FBXO22: variants seen among roughly 807,000 people sequenced by gnomAD.
The protein encoded by FBXO22 is F-box only protein 22.
Under a neutral mutation model 37.2 loss-of-function variants are expected in FBXO22, and 13 were observed. That is an observed-to-expected ratio of 0.35 (90% CI 0.23 to 0.56). The LOEUF (loss-of-function observed/expected upper bound fraction) is 0.56, where lower values mean the gene tolerates loss of function less well. Among genes scored for constraint, FBXO22 ranks in the 20% least tolerant of loss-of-function variants. The pLI is 0.87. For missense variants in FBXO22, 446 were observed against 509.9 expected (o/e 0.87, Z 1.21); for synonymous variants, 189 against 189.1 (o/e 1.00, Z 0.00).
chr15:75,932,825 C>G lies in FBXO22; in HGVS notation c.935C>G (p.Ala312Gly). ...AEAAMQRLKA[A>G]NIPEHNTIGF... ...GCTGCGATGCAGCGCCTCAAAGCGG[C>G]CAACATTCCAGAGCATAACACCATT... Residue 312 changes from alanine (A) to glycine (G), a missense_variant, in exon 7 of 7, where the codon GCC (alanine) becomes GGC (glycine). Transcript: ENST00000308275. 1 of 1,614,230 alleles carries G rather than the reference C, an allele frequency of 6.2e-7. No individual in the cohort carries two copies.
At chr15:75,930,788 T>G in intron 6 of FBXO22, 1 of 985,512 alleles carries the variant, frequency 1.0e-6, no homozygotes, top group Non-Finnish European at 1.2e-6. Flanking sequence ...CCTCAATGCT[T>G]GTAAACACTA....
At position 75,921,900 on chromosome 15, in the gene FBXO22, T is replaced by A. The variant is rs979575919; in HGVS notation, c.628+4506T>A. Among the ~76,000 whole-genome samples, 3 of 152,144 alleles carry A rather than the reference T, an allele frequency of 2.0e-5. No individual in the cohort carries two copies. The South Asian group carries it at 6.2e-4, about 32-fold the overall frequency. Reference sequence around the variant, plus strand: ...TCCCACTGCAAGGTCTTCAGGGCAGTAATACATGTGGAGCTGTCATTTCCT... The same window carrying A: ...TCCCACTGCAAGGTCTTCAGGGCAGAAATACATGTGGAGCTGTCATTTCCT... On this transcript the variant is annotated intron_variant, in intron 5 of 6. Coordinates refer to ENST00000308275, the MANE Select transcript of FBXO22 (RefSeq NM_147188.3).
At chr15:75,921,611 A>G (rs1900324794) in intron 5 of FBXO22, among the ~76,000 whole-genome samples, 1 of 149,824 alleles carries the variant, frequency 6.7e-6, no homozygotes, top group South Asian at 2.2e-4. Context: ...TAGTAAGCCA[A>G]GATTACACCA....
At chr15:75,912,567 ATGGTATTCTC>A (rs1228237318) in intron 2 of FBXO22, among the ~76,000 whole-genome samples, 1 of 152,112 alleles carries the variant, frequency 6.6e-6, no homozygotes, top group Non-Finnish European at 1.5e-5. Context: ...AGAGGTGTTT[ATGGTATTCTC>A]TGATGGTAGT....
At chr15:75,921,535 C>T (rs910805371) in intron 5 of FBXO22, among the ~76,000 whole-genome samples, 2 of 151,954 alleles carry the variant, frequency 1.3e-5, no homozygotes, top group Admixed American at 6.6e-5. Context: ...TAGTGGTGTG[C>T]GCCTGTAGTC....
chr15:75,930,192 T>G (rs2029964768), intron 6 of FBXO22, 143 bp downstream of exon 6: 2 of 1,484,482 alleles, frequency 1.3e-6, no homozygotes, highest in Admixed American at 4.6e-5. Context: ...AGACATTGGC[T>G]AAGGGGCTTA....
chr15:75,920,754 C>T (rs750759263), intron 5 of FBXO22, among the ~76,000 whole-genome samples: 4 of 152,142 alleles, frequency 2.6e-5, no homozygotes, highest in East Asian at 3.9e-4. Flanking sequence ...GCCCAAGAGG[C>T]GGAGGTTGCC....
At chr15:75,918,359 A>AG (rs1900237173) in intron 5 of FBXO22, among the ~76,000 whole-genome samples, 2 of 150,632 alleles carry the variant, frequency 1.3e-5, no homozygotes, top group South Asian at 4.2e-4. Flanking sequence ...GGTGGATGGG[A>AG]GGGGAAGCAC....
chr15:75,904,644 G>A lies in FBXO22; in HGVS notation c.279+15G>A. 3.8e-6 allele frequency: 6 copies of A among 1,595,746 alleles called. No homozygotes were observed. Among genetic ancestry groups the A allele is most frequent in the Non-Finnish European group, 5.1e-6 (6 of 1,168,978 alleles). ...AGGAGCTTGAGGCAAGTAGCAAGGG[G>A]TGTCATGCACAGTCATTTGCAGGTT... On this transcript the variant is annotated intron_variant, in intron 2 of 6. Transcript: ENST00000308275.
intron 5 of FBXO22, among the ~76,000 whole-genome samples, chr15:75,923,654 A>G (rs1900377492): frequency 6.6e-6 from 1 of 152,222 alleles, no homozygotes; most frequent in South Asian, 2.1e-4. Flanking sequence ...TTTGGAGTAC[A>G]AGAGTGGATG....
rs1399242389 is a variant in FBXO22, at chr15:75,905,654, C to T, written c.279+1025C>T. ...GATCTGTTCCCAATTGCAATTTGCTCTGAGTAAGTCCTGTTTCTTTAATCT... is the reference window on the plus strand; with the variant it reads ...GATCTGTTCCCAATTGCAATTTGCTTTGAGTAAGTCCTGTTTCTTTAATCT... On this transcript the variant is annotated intron_variant, in intron 2 of 6. Transcript: ENST00000308275. The T allele has an allele frequency of 3.9e-5, 6 of 152,230 alleles. No homozygotes were observed. The East Asian group carries it at 1.2e-3, about 29-fold the overall frequency. The allele number at this position is 152,230 out of a possible 1,614,324, so 9.4% of individuals were successfully genotyped here. A position where few individuals can be genotyped will look rare whatever the true frequency, so the allele number is the denominator to read the frequency against.
rs1173867216 is a variant in FBXO22 at position 75,903,888 on chromosome 15, G to C, written c.-76G>C. On this transcript the variant is annotated 5_prime_UTR_variant, in exon 1 of 7. Transcript: ENST00000308275. ...CGCGGACGCCTGCTCAGTGCGCGCC[G>C]GCCGGGCAACCCTATGCTGGCGTAA... The C allele has an allele frequency of 3.6e-6, 5 of 1,394,718 alleles. No individual in the cohort carries two copies. Among genetic ancestry groups the C allele is most frequent in the Admixed American group, 3.1e-5 (1 of 32,538 alleles). 86.4% of individuals were successfully genotyped at this position (1,394,718 alleles called of 1,614,324 possible). A position where few individuals can be genotyped will look rare whatever the true frequency, so the allele number is the denominator to read the frequency against.
intron 2 of FBXO22, 97 bp from the exon 3 acceptor site, chr15:75,913,106 T>G: frequency 1.4e-6 from 1 of 713,964 alleles, no homozygotes; most frequent in Non-Finnish European, 2.4e-6. Context: ...GAGTTCTAAT[T>G]TGATTGCACT....
rs1304049335 is a variant in FBXO22 at position 75,938,416 on chromosome 15, A to C, written c.*5314A>C. The C allele has an allele frequency of 6.6e-6, 1 of 152,210 alleles. No homozygotes were observed. The highest frequency in any genetic ancestry group is 2.4e-5 in the African/African-American group (1 of 41,466). The allele number at this position is 152,210 out of a possible 1,614,324, so 9.4% of individuals were successfully genotyped here. On this transcript the variant is annotated 3_prime_UTR_variant, in exon 7 of 7. Transcript: ENST00000308275. ...AAACCATACAAAGGAACAGGAAAAT[A>C]ATGCGCATTCAAAAGATCAAAATTA...
chr15:75,941,789 G>C lies in FBXO22; in HGVS notation c.*8687G>C, dbSNP rs750350962. On this transcript the variant is annotated 3_prime_UTR_variant, in exon 7 of 7. Transcript: ENST00000308275. ...GGGAATTTATTGTTTAAGGGGCACAGAGATTAGTGTGGGATCATGAAAAAG... is the reference window on the plus strand; with the variant it reads ...GGGAATTTATTGTTTAAGGGGCACACAGATTAGTGTGGGATCATGAAAAAG... 1 of 152,140 alleles carries C rather than the reference G, an allele frequency of 6.6e-6. No homozygotes were observed. 9.4% of individuals were successfully genotyped at this position (152,140 alleles called of 1,614,324 possible).
chr15:75,912,110 CA>C (rs1477260493), intron 2 of FBXO22, among the ~76,000 whole-genome samples: 1 of 151,852 alleles, frequency 6.6e-6, no homozygotes, highest in Non-Finnish European at 1.5e-5. Context: ...CCTTGCATCC[CA>C]GGGGTGAAGC....
intron 2 of FBXO22, among the ~76,000 whole-genome samples, chr15:75,905,244 T>C (rs1400669558): frequency 6.6e-6 from 1 of 152,194 alleles, no homozygotes; most frequent in Non-Finnish European, 1.5e-5. Context: ...GACAACTGGG[T>C]GTGTCTTGCT....
chr15:75,933,153 GAA>G lies in FBXO22; in HGVS notation c.*54_*55del. On this transcript the variant is annotated 3_prime_UTR_variant, in exon 7 of 7. Coordinates refer to ENST00000308275, the MANE Select transcript of FBXO22 (RefSeq NM_147188.3). Reference sequence around the variant, plus strand: ...TAACTTTTGGGTTCTGCCTTTTTCAGAAAATGGAAACTTGGGCCATGTGTATT... The same window carrying G: ...TAACTTTTGGGTTCTGCCTTTTTCAGAATGGAAACTTGGGCCATGTGTATT... 6.7e-7 allele frequency: 1 copy of G among 1,482,356 alleles called. No individual in the cohort carries two copies. The allele number at this position is 1,482,356 out of a possible 1,614,324, so 91.8% of individuals were successfully genotyped here.
chr15:75,910,732 T>C (rs1451268792), intron 2 of FBXO22, among the ~76,000 whole-genome samples: 1 of 152,238 alleles, frequency 6.6e-6, no homozygotes, highest in Non-Finnish European at 1.5e-5. Flanking sequence ...ACTCTGATGA[T>C]AGTTTCTTTT....
Sources: allele counts gnomAD v4.1 joint callset (sites outside exome capture counted in the v4.1 genomes callset), GRCh38; gene constraint gnomAD v4.1.1; transcripts MANE v1.5; gene names NCBI Gene and HGNC (gene_info 2026-07-23, HGNC 2026-07-21).